NBAS: variants seen among roughly 807,000 people sequenced by gnomAD.
The protein encoded by NBAS is NBAS subunit of NRZ tethering complex, also known as NAG/BC035112 fusion.
NBAS carries 219 observed loss-of-function variants against 302.5 expected under a neutral mutation model. That is an observed-to-expected ratio of 0.72 (90% CI 0.65 to 0.81). The LOEUF (loss-of-function observed/expected upper bound fraction) is 0.81, where lower values mean the gene tolerates loss of function less well. Among genes scored for constraint, NBAS ranks in the 30% least tolerant of loss-of-function variants. The pLI, the probability that NBAS is intolerant of heterozygous loss-of-function variation, is 0.00. For missense variants in NBAS, 2,932 were observed against 2,841.6 expected, an observed-to-expected ratio of 1.03 and a Z score of -0.72; for synonymous variants, 1,118 against 1,021.6, an observed-to-expected ratio of 1.09 and a Z score of -1.80.
chr2:14,859,522 C>G, the NBAS span, among the ~76,000 whole-genome samples: 1 of 151,722 alleles, frequency 6.6e-6, no homozygotes, highest in Non-Finnish European at 1.5e-5. Context: ...AATAGAGAAC[C>G]CAGATTCACA....
At chr2:15,498,691 A>G (rs1681164529) in intron 11 of NBAS, among the ~76,000 whole-genome samples, 1 of 152,144 alleles carries the variant, frequency 6.6e-6, no homozygotes, top group Non-Finnish European at 1.5e-5. Flanking sequence ...TGTTCTCATG[A>G]TAGTGAGTTC....
At chr2:15,329,019 C>T (rs1672201414) in intron 36 of NBAS, among the ~76,000 whole-genome samples, 1 of 152,136 alleles carries the variant, frequency 6.6e-6, no homozygotes, top group Non-Finnish European at 1.5e-5. Context: ...TCACAACTAC[C>T]ACCCCACACA....
At chr2:14,857,459 A>G in the NBAS span, among the ~76,000 whole-genome samples, 2 of 152,196 alleles carry the variant, frequency 1.3e-5, no homozygotes, top group East Asian at 3.8e-4. Flanking sequence ...ATGGCATGGT[A>G]GTGGCATAAA....
intron 35 of NBAS, among the ~76,000 whole-genome samples, chr2:15,342,487 A>C (rs13428288): frequency 6.6e-6 from 1 of 152,082 alleles, no homozygotes; most frequent in Admixed American, 6.6e-5. Flanking sequence ...TTAGTTTACA[A>C]AACAAAATAA....
chr2:14,806,822 G>A, the NBAS span, among the ~76,000 whole-genome samples: 71 of 152,270 alleles, frequency 4.7e-4, no homozygotes, highest in African/African-American at 1.7e-3. Context: ...TTTTATTTTT[G>A]TCCATATGAG....
intron 21 of NBAS, among the ~76,000 whole-genome samples, chr2:15,460,634 T>C (rs1248862736): frequency 6.6e-6 from 1 of 152,234 alleles, no homozygotes; most frequent in African/African-American, 2.4e-5. Context: ...TACCAGGTGG[T>C]AATACAGGGA....
intron 50 of NBAS, among the ~76,000 whole-genome samples, chr2:15,181,995 G>T (rs1256914558): frequency 6.6e-6 from 1 of 152,196 alleles, no homozygotes; most frequent in Non-Finnish European, 1.5e-5. Context: ...AATGGGCTGA[G>T]CTCCCATTGC....
At chr2:15,260,003 T>C (rs983753899) in intron 44 of NBAS, among the ~76,000 whole-genome samples, 7 of 152,196 alleles carry the variant, frequency 4.6e-5, no homozygotes, top group Admixed American at 4.6e-4. Flanking sequence ...AAAGGAAAGA[T>C]GCAACCTTTC....
the NBAS span, among the ~76,000 whole-genome samples, chr2:14,974,824 C>T: frequency 3.0e-3 from 454 of 152,258 alleles, 1 homozygote; most frequent in African/African-American, 0.011. Flanking sequence ...TTGTTTTATA[C>T]GACACAGTTC....
intron 6 of NBAS, among the ~76,000 whole-genome samples, chr2:15,549,264 C>T (rs1340159181): frequency 1.3e-5 from 2 of 151,924 alleles, no homozygotes; most frequent in Non-Finnish European, 2.9e-5. Flanking sequence ...GGGTTACCTG[C>T]TAGAATAGTG....
In NBAS at chr2:15,375,126, T is replaced by C. The variant is rs565438916; in HGVS notation, c.3591-406A>G. Among the ~76,000 whole-genome samples, 110 of 152,276 alleles carry C rather than the reference T, an allele frequency of 7.2e-4. 1 individual carries two copies. The highest frequency in any genetic ancestry group is 2.5e-3 in the African/African-American group (102 of 41,556). On this transcript the variant is annotated intron_variant, in intron 30 of 51. Transcript: ENST00000281513. ...GTTTCCCTTCTACGAAAAACAGAAA[T>C]GTCTTGATTTGGTCACAATGTGATG...
At chr2:15,489,283 A>C (rs1680758865) in intron 11 of NBAS, among the ~76,000 whole-genome samples, 1 of 152,168 alleles carries the variant, frequency 6.6e-6, no homozygotes, top group Admixed American at 6.5e-5. Flanking sequence ...ATAACCGAAA[A>C]ATATGTATGC....
At chr2:15,232,967 G>A (rs1405097377) in intron 46 of NBAS, among the ~76,000 whole-genome samples, 1 of 151,540 alleles carries the variant, frequency 6.6e-6, no homozygotes, top group African/African-American at 2.4e-5. Flanking sequence ...CATCCTATGA[G>A]ACAAGTACTA....
chr2:15,515,572 A>G (rs1354889462), intron 9 of NBAS, among the ~76,000 whole-genome samples: 1 of 152,200 alleles, frequency 6.6e-6, no homozygotes, highest in Non-Finnish European at 1.5e-5. Context: ...TCAAGACTCC[A>G]TTACTTTATT....
chr2:14,804,991 C>T, the NBAS span, among the ~76,000 whole-genome samples: 1 of 152,228 alleles, frequency 6.6e-6, no homozygotes, highest in Non-Finnish European at 1.5e-5. Context: ...TTGCCTGAAA[C>T]ACAAATCCCT....
the NBAS span, among the ~76,000 whole-genome samples, chr2:14,816,656 G>A: frequency 5.1e-4 from 78 of 152,222 alleles, no homozygotes; most frequent in African/African-American, 1.7e-3. Flanking sequence ...CTATTCATTC[G>A]TAAAGATTCA....
downstream of NBAS, among the ~76,000 whole-genome samples, chr2:15,166,058 G>T (rs557599824): frequency 1.6e-3 from 242 of 152,238 alleles, 4 homozygotes; most frequent in African/African-American, 5.5e-3. Flanking sequence ...TGAGTCTCAG[G>T]GGGGGCGAAG....
Position 15,338,658 on chromosome 2 carries a change from A to C in NBAS, c.4180-7893T>G, listed in dbSNP as rs571014605. 1.1e-4 allele frequency among the ~76,000 whole-genome samples: 12 copies of C among 112,724 alleles called. No individual in the cohort carries two copies. In the South Asian group the frequency reaches 2.3e-3, roughly 21 times the overall value. 74.0% of individuals were successfully genotyped at this position (112,724 alleles called of 152,430 possible). A position where few individuals can be genotyped will look rare whatever the true frequency, so the allele number is the denominator to read the frequency against. On this transcript the variant is annotated intron_variant, in intron 35 of 51. Transcript: ENST00000281513. ...ACAAACATGCATGTGCACTCACATG[A>C]ATACAAACACACACATACACACACA...
the NBAS span, among the ~76,000 whole-genome samples, chr2:15,119,394 C>T: frequency 6.6e-6 from 1 of 150,842 alleles, no homozygotes; most frequent in African/African-American, 2.4e-5. Flanking sequence ...CTGCAACCTC[C>T]ACCTCCCGAG....
Sources: gnomAD v4.1 joint callset for allele counts (sites outside exome capture counted in the v4.1 genomes callset) on GRCh38, gnomAD v4.1.1 for gene constraint, MANE v1.5 for transcripts, NCBI Gene and HGNC (gene_info 2026-07-23, HGNC 2026-07-21) for gene names.